The following ERC2 variants were observed in gnomAD, a reference collection of about 807,000 sequenced individuals.
ERC2 encodes the protein ELKS/RAB6-interacting/CAST family member 2, also known as ERC protein 2.
ERC2 carries 42 observed loss-of-function variants against 114.8 expected under a neutral mutation model. That is an observed-to-expected ratio of 0.37 (90% CI 0.29 to 0.47). ERC2 has a LOEUF of 0.47. ERC2 is among the 20% of genes least tolerant of loss of function. The probability of loss-of-function intolerance (pLI) is 0.99; values close to 1 mark genes in which losing one functional copy is unlikely to be tolerated. For missense variants in ERC2, 939 were observed against 1,150.7 expected, an observed-to-expected ratio of 0.82 and a Z score of 2.66; for synonymous variants, 454 against 425.5, an observed-to-expected ratio of 1.07 and a Z score of -0.82.
chr3:56,125,582 C>T (rs184621162), intron 6 of ERC2, among the ~76,000 whole-genome samples: 4 of 152,244 alleles, frequency 2.6e-5, no homozygotes, highest in East Asian at 1.9e-4. Flanking sequence ...AAAAGATTTC[C>T]GAAAGTTTCA....
intron 6 of ERC2, among the ~76,000 whole-genome samples, chr3:56,096,697 T>G (rs1023123974): frequency 2.0e-5 from 3 of 152,186 alleles, no homozygotes; most frequent in Admixed American, 1.3e-4. Context: ...TACATTTATA[T>G]ATTATTACAC....
At chr3:56,393,365 T>C (rs751051856) in intron 2 of ERC2, among the ~76,000 whole-genome samples, 3 of 152,090 alleles carry the variant, frequency 2.0e-5, no homozygotes, top group Non-Finnish European at 4.4e-5. Context: ...ACCTCTATAC[T>C]CCACCTGGGC....
At chr3:56,467,615 GGGA>G (rs1201366230) in intron 1 of ERC2, among the ~76,000 whole-genome samples, 4 of 151,978 alleles carry the variant, frequency 2.6e-5, no homozygotes, top group African/African-American at 7.3e-5. Flanking sequence ...TTAGGAGATG[GGGA>G]GGAGGAGAGA....
chr3:55,634,906 C>T (rs1340229401), intron 17 of ERC2, among the ~76,000 whole-genome samples: 2 of 140,170 alleles, frequency 1.4e-5, no homozygotes, highest in African/African-American at 2.6e-5. Context: ...TTTTTTTTGA[C>T]GAGTCTCACT....
chr3:56,035,100 A>C (rs904412624), intron 7 of ERC2, among the ~76,000 whole-genome samples: 14 of 152,224 alleles, frequency 9.2e-5, no homozygotes, highest in Admixed American at 9.2e-4. Flanking sequence ...AAATGAGAGA[A>C]GCCTCAAATA....
At chr3:55,920,270 A>G (rs2065340508) in intron 13 of ERC2, among the ~76,000 whole-genome samples, 1 of 152,132 alleles carries the variant, frequency 6.6e-6, no homozygotes, top group Non-Finnish European at 1.5e-5. Context: ...GGATTTCATT[A>G]CACTATTTTC....
intron 6 of ERC2, among the ~76,000 whole-genome samples, chr3:56,132,918 G>GA (rs113851853): frequency 0.031 from 4,702 of 152,210 alleles, 166 homozygotes; most frequent in African/African-American, 0.079. Flanking sequence ...TAAACTTCCT[G>GA]AAAACAATAC....
intron 2 of ERC2, among the ~76,000 whole-genome samples, chr3:56,330,114 G>A (rs1021394142): frequency 8.6e-5 from 13 of 152,028 alleles, no homozygotes; most frequent in African/African-American, 2.7e-4. Context: ...GCTCACTGCA[G>A]CCTCAACCTC....
intron 7 of ERC2, among the ~76,000 whole-genome samples, chr3:56,027,438 A>C (rs2074115805): frequency 2.0e-5 from 3 of 152,166 alleles, no homozygotes; most frequent in African/African-American, 7.2e-5. Context: ...TCTCATCAAC[A>C]GTGTGTGAAT....
intron 5 of ERC2, among the ~76,000 whole-genome samples, chr3:56,144,964 G>A (rs1205060954): frequency 2.0e-5 from 3 of 152,124 alleles, no homozygotes; most frequent in Non-Finnish European, 4.4e-5. Flanking sequence ...GCCAGGGAAG[G>A]TCTGTCTCTG....
At chr3:56,173,220 C>T (rs1315037365) in intron 4 of ERC2, among the ~76,000 whole-genome samples, 1 of 152,118 alleles carries the variant, frequency 6.6e-6, no homozygotes, top group African/African-American at 2.4e-5. Flanking sequence ...CTCCTTTCAG[C>T]CAATGGATTC....
chr3:55,684,850 T>C (rs1447371184), intron 16 of ERC2, among the ~76,000 whole-genome samples: 3 of 152,174 alleles, frequency 2.0e-5, no homozygotes, highest in Admixed American at 6.5e-5. Context: ...TGCCTTTTAA[T>C]AGGTCTCCAG....
At chr3:56,326,910 C>A (rs151331057) in intron 2 of ERC2, among the ~76,000 whole-genome samples, 2 of 152,340 alleles carry the variant, frequency 1.3e-5, no homozygotes, top group African/African-American at 4.8e-5. Context: ...AACTGGATTT[C>A]TCTGGGGATC....
chr3:55,859,328 C>T (rs1194985296), intron 14 of ERC2, among the ~76,000 whole-genome samples: 3 of 152,052 alleles, frequency 2.0e-5, no homozygotes, highest in Admixed American at 6.5e-5. Flanking sequence ...CTCACCCCCT[C>T]GCAGTAACTC....
chr3:56,098,165 C>T (rs1177985267), intron 6 of ERC2, among the ~76,000 whole-genome samples: 1 of 152,192 alleles, frequency 6.6e-6, no homozygotes, highest in Non-Finnish European at 1.5e-5. Flanking sequence ...ATGCATCAAG[C>T]AGAGCTTGCC....
chr3:55,667,141 C>T (rs2148723904), intron 17 of ERC2, among the ~76,000 whole-genome samples: 1 of 152,224 alleles, frequency 6.6e-6, no homozygotes, highest in African/African-American at 2.4e-5. Context: ...GATAATATAA[C>T]AGCTAAAACA....
chr3:56,169,102 T>G (rs979595223), intron 4 of ERC2, among the ~76,000 whole-genome samples: 1 of 152,180 alleles, frequency 6.6e-6, no homozygotes, highest in African/African-American at 2.4e-5. Flanking sequence ...TAACTTCACA[T>G]TATGCCTCTG....
At position 55,968,969 on chromosome 3, in the gene ERC2, A is replaced by G. The variant is rs958459720; in HGVS notation, c.2267+17008T>C. On this transcript the variant is annotated intron_variant, in intron 12 of 17. Coordinates refer to ENST00000288221, the MANE Select transcript of ERC2 (RefSeq NM_015576.3). Reference sequence around the variant, plus strand: ...GGTCTATTCTACTCGGAATCCAGGCAGCCACTGAGAGGTGAGGGTGAGATA... The same window carrying G: ...GGTCTATTCTACTCGGAATCCAGGCGGCCACTGAGAGGTGAGGGTGAGATA... Among the ~76,000 whole-genome samples the G allele has an allele frequency of 5.9e-5, 9 of 152,300 alleles. No individual in the cohort carries two copies. In the East Asian group the frequency reaches 1.4e-3, roughly 23 times the overall value.
intron 2 of ERC2, among the ~76,000 whole-genome samples, chr3:56,370,604 T>G (rs1354061133): frequency 2.4e-4 from 36 of 150,012 alleles, no homozygotes; most frequent in Admixed American, 1.7e-3. Context: ...TGTTTTTTTT[T>G]TTTTTTTTGA....
Sources: gnomAD v4.1 joint callset for allele counts (sites outside exome capture counted in the v4.1 genomes callset) on GRCh38, gnomAD v4.1.1 for gene constraint, MANE v1.5 for transcripts, NCBI Gene and HGNC (gene_info 2026-07-23, HGNC 2026-07-21) for gene names.